Variants in SLC26A5 observed in about 807,000 individuals in gnomAD.
SLC26A5 encodes prestin.
A neutral mutation model predicts 81.0 loss-of-function variants in SLC26A5; 51 were observed. The ratio of observed to expected loss-of-function variants is 0.63; its 90% confidence interval spans 0.50 to 0.80. The LOEUF (loss-of-function observed/expected upper bound fraction) is 0.80. Ranked by LOEUF, SLC26A5 falls within the 30% of genes least tolerant of loss-of-function variation. SLC26A5 has a pLI of 0.00. For missense variants in SLC26A5, 771 were observed against 905.8 expected, an observed-to-expected ratio of 0.85 and a Z score of 1.91; for synonymous variants, 325 against 332.8, an observed-to-expected ratio of 0.98 and a Z score of 0.25.
At chr7:103,364,979 A>G (rs1586172603) in intron 19 of SLC26A5, among the ~76,000 whole-genome samples, 2 of 145,788 alleles carry the variant, frequency 1.4e-5, no homozygotes, top group East Asian at 4.0e-4. Context: ...ATATATATAT[A>G]TATATTTAGA....
intron 8 of SLC26A5, among the ~76,000 whole-genome samples, chr7:103,401,077 GT>G (rs1256926746): frequency 6.6e-6 from 1 of 152,186 alleles, no homozygotes; most frequent in African/African-American, 2.4e-5. Flanking sequence ...ATTTAAAGTA[GT>G]TTTTTCTAAT....
intron 7 of SLC26A5, 142 bp downstream of exon 7, chr7:103,410,243 T>C: frequency 1.3e-6 from 1 of 751,360 alleles, no homozygotes; most frequent in Non-Finnish European, 2.2e-6. Flanking sequence ...CAGAAAACCT[T>C]AGAATAAATG....
At chr7:103,421,617 G>T in intron 2 of SLC26A5, 50 bp from the exon 3 acceptor site, 1 of 1,268,514 alleles carries the variant, frequency 7.9e-7, no homozygotes, top group Non-Finnish European at 1.1e-6. Flanking sequence ...TCCTACTGAT[G>T]ACTTTTCCTA....
intron 2 of SLC26A5, among the ~76,000 whole-genome samples, chr7:103,435,721 G>A (rs1269966474): frequency 6.6e-6 from 1 of 152,126 alleles, no homozygotes; most frequent in Non-Finnish European, 1.5e-5. Flanking sequence ...ACTCCATACA[G>A]GGGGTTCTTT....
chr7:103,422,931 G>A (rs1295191999), intron 2 of SLC26A5, among the ~76,000 whole-genome samples: 2 of 151,956 alleles, frequency 1.3e-5, no homozygotes, highest in African/African-American at 4.8e-5. Context: ...CCTTCACAGT[G>A]AAAACTCAGG....
At chr7:103,371,471 C>T (rs1162958682), downstream of SLC26A5, among the ~76,000 whole-genome samples, 1 of 150,908 alleles carries the variant, frequency 6.6e-6, no homozygotes, top group Non-Finnish European at 1.5e-5. Context: ...ACTACAGGCG[C>T]CCGCCACTAC....
intron 8 of SLC26A5, among the ~76,000 whole-genome samples, chr7:103,407,093 TAG>T (rs1824118742): frequency 6.6e-6 from 1 of 152,234 alleles, no homozygotes. Flanking sequence ...TGCAAACTTC[TAG>T]TTGGCAATAG....
At position 103,352,925 on chromosome 7, in the gene SLC26A5, A is replaced by C. The variant is rs756358290; in HGVS notation, c.2043T>G (p.Ala681=). ...CATCTTCTGGTCATCTCTGTATGAA[A>C]GCTGAAACAAGAGGGTAGAGTGACT... Residue 681 remains alanine, a splice_region_variant and synonymous_variant, in exon 20 of 20, where the codon GCT becomes GCG. Coordinates refer to the SLC26A5 transcript ENST00000339444. 3.8e-6 allele frequency: 3 copies of C among 780,948 alleles called. No individual in the cohort carries two copies. The South Asian group carries it at 4.0e-5, about 10-fold the overall frequency. The allele number at this position is 780,948 out of a possible 1,614,324, so 48.4% of individuals were successfully genotyped here.
chr7:103,432,886 C>T (rs1342815978), intron 2 of SLC26A5, among the ~76,000 whole-genome samples: 1 of 152,060 alleles, frequency 6.6e-6, no homozygotes, highest in Non-Finnish European at 1.5e-5. Flanking sequence ...TGGACATTTT[C>T]ACTACTGTTG....
intron 9 of SLC26A5, among the ~76,000 whole-genome samples, chr7:103,396,343 A>G (rs1441427992): frequency 1.3e-5 from 2 of 152,228 alleles, no homozygotes; most frequent in South Asian, 2.1e-4. Context: ...AAAAGAACTG[A>G]AAGAAAGGTC....
intron 2 of SLC26A5, among the ~76,000 whole-genome samples, chr7:103,428,854 C>A (rs1825878397): frequency 6.6e-6 from 1 of 152,096 alleles, no homozygotes; most frequent in Non-Finnish European, 1.5e-5. Flanking sequence ...AGGTGTAAAC[C>A]CCTGTGCCTG....
chr7:103,429,891 T>C (rs1184381220), intron 2 of SLC26A5, among the ~76,000 whole-genome samples: 4 of 152,286 alleles, frequency 2.6e-5, no homozygotes, highest in Non-Finnish European at 5.9e-5. Context: ...CTTTCCCTCT[T>C]CTTTTATATT....
rs148844936 is a variant in SLC26A5, at chr7:103,391,943, T to C, written c.1120-208A>G. Among the ~76,000 whole-genome samples the C allele has an allele frequency of 1.0e-3, 154 of 152,366 alleles. No homozygotes were observed. In the Middle Eastern group the frequency reaches 0.014, roughly 13 times the overall value. On this transcript the variant is annotated intron_variant, in intron 10 of 19. Coordinates refer to ENST00000306312, the MANE Select transcript of SLC26A5 (RefSeq NM_198999.3). ...GGGAACATTTTGAATTTTTATTTTG[T>C]CAGAGATAAACGCTGGGCTCCCTGC...
chr7:103,402,373 G>A (rs1038597291), intron 8 of SLC26A5, among the ~76,000 whole-genome samples: 2 of 150,868 alleles, frequency 1.3e-5, no homozygotes, highest in Non-Finnish European at 2.9e-5. Flanking sequence ...ATTCTCTGAT[G>A]GTAGTTTGTA....
intron 16 of SLC26A5, among the ~76,000 whole-genome samples, chr7:103,378,765 A>G (rs1821551253): frequency 1.3e-5 from 2 of 152,190 alleles, no homozygotes; most frequent in Non-Finnish European, 2.9e-5. Flanking sequence ...GACAACCAGA[A>G]GCTAAAATAT....
At chr7:103,374,073 A>G, downstream of SLC26A5, 1 of 642,630 alleles carries the variant, frequency 1.6e-6, no homozygotes. Flanking sequence ...TACAAAAACA[A>G]AGAACCACTA....
chr7:103,417,355 C>T (rs1394560237), intron 4 of SLC26A5, among the ~76,000 whole-genome samples: 1 of 135,162 alleles, frequency 7.4e-6, no homozygotes, highest in Non-Finnish European at 1.5e-5. Context: ...GCCAATAGAG[C>T]GAGACTCTGT....
chr7:103,370,966 G>C (rs1400050477), downstream of SLC26A5, among the ~76,000 whole-genome samples: 1 of 152,190 alleles, frequency 6.6e-6, no homozygotes, highest in East Asian at 1.9e-4. Flanking sequence ...ACCTGAATTT[G>C]AATCAGGGTG....
chr7:103,387,319 C>A (rs1822274325), intron 14 of SLC26A5, among the ~76,000 whole-genome samples: 1 of 152,162 alleles, frequency 6.6e-6, no homozygotes, highest in African/African-American at 2.4e-5. Context: ...TGGGGAGCAT[C>A]CTGACCTCCT....
Sources: allele counts gnomAD v4.1 joint callset (sites outside exome capture counted in the v4.1 genomes callset), GRCh38; gene constraint gnomAD v4.1.1; transcripts MANE v1.5; gene names NCBI Gene and HGNC (gene_info 2026-07-23, HGNC 2026-07-21).